Variants in CNTNAP2 observed in about 807,000 individuals in gnomAD.
CNTNAP2 encodes the protein contactin-associated protein-like 2.
A neutral mutation model predicts 155.2 loss-of-function variants in CNTNAP2; 98 were observed. That is an observed-to-expected ratio of 0.63 (90% CI 0.54 to 0.75). The LOEUF is 0.75. Among genes scored for constraint, CNTNAP2 ranks in the 30% least tolerant of loss-of-function variants. CNTNAP2 has a pLI of 0.00. For synonymous variants in CNTNAP2, 651 were observed against 631.2 expected, an observed-to-expected ratio of 1.03 and a Z score of -0.47; for missense variants, 1,727 against 1,688.1, an observed-to-expected ratio of 1.02 and a Z score of -0.40.
intron 13 of CNTNAP2, among the ~76,000 whole-genome samples, chr7:147,881,376 G>A (rs1039418794): frequency 6.6e-6 from 1 of 152,130 alleles, no homozygotes; most frequent in Non-Finnish European, 1.5e-5. Context: ...TGTAGTCATG[G>A]GACTGAATTC....
At chr7:146,463,437 G>T (rs1045637009) in intron 1 of CNTNAP2, among the ~76,000 whole-genome samples, 2 of 151,906 alleles carry the variant, frequency 1.3e-5, no homozygotes, top group African/African-American at 4.8e-5. Flanking sequence ...TTTCTGTCCA[G>T]TGGAATCAAT....
At chr7:147,244,979 T>G (rs1804023341) in intron 8 of CNTNAP2, among the ~76,000 whole-genome samples, 1 of 152,142 alleles carries the variant, frequency 6.6e-6, no homozygotes, top group African/African-American at 2.4e-5. Flanking sequence ...TAGAAAACTT[T>G]TATTATATGG....
chr7:146,667,229 G>A (rs1800211784), intron 1 of CNTNAP2, among the ~76,000 whole-genome samples: 1 of 151,996 alleles, frequency 6.6e-6, no homozygotes, highest in Admixed American at 6.6e-5. Context: ...ACCATTTATT[G>A]AAGAGCCTGT....
chr7:146,309,829 A>AAGGAAGG (rs1800787995), intron 1 of CNTNAP2, among the ~76,000 whole-genome samples: 1 of 148,822 alleles, frequency 6.7e-6, no homozygotes, highest in Non-Finnish European at 1.5e-5. Context: ...AGAAGAAAGG[A>AAGGAAGG]AAGGAAGGAA....
chr7:148,217,633 T>C (rs1265197554), intron 19 of CNTNAP2, 109 bp downstream of exon 19: 3 of 1,221,060 alleles, frequency 2.5e-6, no homozygotes, highest in Non-Finnish European at 2.4e-6. Flanking sequence ...CCATAGGCTT[T>C]TTTAAGCAAG....
chr7:147,015,718 A>C (rs1015897767), intron 3 of CNTNAP2, among the ~76,000 whole-genome samples: 9 of 152,194 alleles, frequency 5.9e-5, no homozygotes, highest in African/African-American at 1.9e-4. Context: ...GAATTTAAGA[A>C]GGGTAAAAAC....
chr7:148,212,235 G>C (rs1795564793), intron 18 of CNTNAP2, among the ~76,000 whole-genome samples: 1 of 151,936 alleles, frequency 6.6e-6, no homozygotes, highest in Non-Finnish European at 1.5e-5. Context: ...ATAATTGGTG[G>C]ATTTTATGTC....
intron 4 of CNTNAP2, among the ~76,000 whole-genome samples, chr7:147,069,733 T>C (rs905624328): frequency 6.6e-6 from 1 of 152,214 alleles, no homozygotes; most frequent in Non-Finnish European, 1.5e-5. Flanking sequence ...TTACTTACTA[T>C]CATTCTCTGT....
Position 148,417,098 on chromosome 7 carries a change from A to T in CNTNAP2, c.*1482A>T, listed in dbSNP as rs186254614. 2.0e-4 allele frequency: 30 copies of T among 152,314 alleles called. No individual in the cohort carries two copies. The East Asian group carries it at 3.7e-3, about 19-fold the overall frequency. 9.4% of individuals were successfully genotyped at this position (152,314 alleles called of 1,614,324 possible). Reference sequence around the variant, plus strand: ...TATACTTAATAAGCACTTTCTAAAAAGTCTTGAGATCCCACCATTCTGAGG... The same window carrying T: ...TATACTTAATAAGCACTTTCTAAAATGTCTTGAGATCCCACCATTCTGAGG... On this transcript the variant is annotated 3_prime_UTR_variant, in exon 24 of 24. Transcript: ENST00000361727.
chr7:147,067,971 G>A (rs192791410), intron 4 of CNTNAP2, among the ~76,000 whole-genome samples: 11 of 152,308 alleles, frequency 7.2e-5, no homozygotes, highest in African/African-American at 1.4e-4. Context: ...GCCCATCGGC[G>A]TGTCAGCCTA....
intron 1 of CNTNAP2, among the ~76,000 whole-genome samples, chr7:146,309,080 G>T (rs1324806669): frequency 6.6e-6 from 1 of 152,136 alleles, no homozygotes; most frequent in Admixed American, 6.5e-5. Context: ...ATTGAGTGCA[G>T]GTGGGAGAAC....
chr7:147,627,294 C>A (rs1319378920), intron 12 of CNTNAP2, among the ~76,000 whole-genome samples: 1 of 152,132 alleles, frequency 6.6e-6, no homozygotes, highest in African/African-American at 2.4e-5. Flanking sequence ...ACCAGCTCCC[C>A]AGCAATGGAT....
At chr7:147,060,458 C>T (rs1300032854) in intron 4 of CNTNAP2, among the ~76,000 whole-genome samples, 1 of 152,172 alleles carries the variant, frequency 6.6e-6, no homozygotes, top group Non-Finnish European at 1.5e-5. Flanking sequence ...CACGATGGCT[C>T]ACGCATGTAA....
chr7:146,868,657 T>G lies in CNTNAP2; in HGVS notation c.402+28753T>G, dbSNP rs114187762. Reference sequence around the variant, plus strand: ...TCTTCCTATCCATGAGCATGGGAGGTTTTTTAATTTGTTTGTGTCTTCTCT... The same window carrying G: ...TCTTCCTATCCATGAGCATGGGAGGGTTTTTAATTTGTTTGTGTCTTCTCT... On this transcript the variant is annotated intron_variant, in intron 3 of 23. Coordinates refer to ENST00000361727, the MANE Select transcript of CNTNAP2 (RefSeq NM_014141.6). Among the ~76,000 whole-genome samples, 1,169 of 151,320 alleles carry G rather than the reference T, an allele frequency of 7.7e-3. 15 individuals carry two copies. Among genetic ancestry groups the G allele is most frequent in the African/African-American group, 0.027 (1,126 of 41,182 alleles).
intron 1 of CNTNAP2, among the ~76,000 whole-genome samples, chr7:146,123,534 A>G (rs1797593306): frequency 6.6e-6 from 1 of 152,208 alleles, no homozygotes; most frequent in Admixed American, 6.5e-5. Flanking sequence ...CAAGTTACAT[A>G]AAGTTTAGTT....
At chr7:146,240,088 A>C (rs1357989417) in intron 1 of CNTNAP2, among the ~76,000 whole-genome samples, 1 of 152,156 alleles carries the variant, frequency 6.6e-6, no homozygotes, top group East Asian at 1.9e-4. Flanking sequence ...GCTATGTATA[A>C]CTTTTGTTTT....
chr7:148,014,735 A>G (rs1251057826), intron 15 of CNTNAP2, among the ~76,000 whole-genome samples: 2 of 152,244 alleles, frequency 1.3e-5, no homozygotes, highest in Non-Finnish European at 2.9e-5. Flanking sequence ...TACAGCTTGG[A>G]GATCTCAACA....
At chr7:146,547,034 G>A (rs17586018) in intron 1 of CNTNAP2, among the ~76,000 whole-genome samples, 94,330 of 151,650 alleles carry the variant, frequency 0.62, 30,197 homozygotes, top group African/African-American at 0.72. Context: ...CGTTTAGGTC[G>A]TAAGCACTTA....
intron 1 of CNTNAP2, among the ~76,000 whole-genome samples, chr7:146,438,388 TC>T (rs1353164604): frequency 6.6e-6 from 1 of 151,212 alleles, no homozygotes; most frequent in African/African-American, 2.5e-5. Context: ...CTTATTTATT[TC>T]ATTATCCTTT....
Sources: gnomAD v4.1 joint callset for allele counts (sites outside exome capture counted in the v4.1 genomes callset) on GRCh38, gnomAD v4.1.1 for gene constraint, MANE v1.5 for transcripts, NCBI Gene and HGNC (gene_info 2026-07-23, HGNC 2026-07-21) for gene names.